The following GPATCH2L variants were observed in gnomAD, a reference collection of about 807,000 sequenced individuals.
The protein encoded by GPATCH2L is G patch domain-containing protein 2-like.
GPATCH2L carries 31 observed loss-of-function variants against 57.4 expected under a neutral mutation model. The observed-to-expected ratio is 0.54, with a 90% confidence interval of 0.41 to 0.73. The LOEUF is 0.73. GPATCH2L is among the 30% of genes least tolerant of loss of function. The pLI is 0.00. For synonymous variants in GPATCH2L, 199 were observed against 210.7 expected, an observed-to-expected ratio of 0.94 and a Z score of 0.48; for missense variants, 481 against 599.9, an observed-to-expected ratio of 0.80 and a Z score of 2.07.
intron 2 of GPATCH2L, among the ~76,000 whole-genome samples, chr14:76,158,149 A>G (rs2038398486): frequency 6.6e-6 from 1 of 151,848 alleles, no homozygotes; most frequent in African/African-American, 2.4e-5. Flanking sequence ...TCATAAGTGA[A>G]TTGGTTGGGT....
chr14:76,215,822 C>T (rs1483151108), downstream of GPATCH2L, among the ~76,000 whole-genome samples: 5 of 150,038 alleles, frequency 3.3e-5, no homozygotes, highest in East Asian at 5.9e-4. Context: ...TGCTAGATGA[C>T]GAGTTAGTGG....
intron 2 of GPATCH2L, 107 bp downstream of exon 2, chr14:76,155,132 A>G: frequency 2.4e-6 from 2 of 846,512 alleles, no homozygotes; most frequent in Non-Finnish European, 3.6e-6. Context: ...CCACTCTAGT[A>G]TTGACTTTGA....
At chr14:76,155,693 T>C (rs8008819) in intron 2 of GPATCH2L, among the ~76,000 whole-genome samples, 24,769 of 152,168 alleles carry the variant, frequency 0.16, 2,110 homozygotes, top group Middle Eastern at 0.33. Flanking sequence ...GGTGACTTTT[T>C]ATTTTTTACA....
At chr14:76,180,631 C>A in intron 7 of GPATCH2L, 133 bp from the exon 8 acceptor site, 1 of 674,952 alleles carries the variant, frequency 1.5e-6, no homozygotes, top group Non-Finnish European at 2.7e-6. Flanking sequence ...TGTGACTTTA[C>A]TGAACAGTGC....
At chr14:76,196,065 T>C in intron 9 of GPATCH2L, 93 bp downstream of exon 9, 1 of 946,244 alleles carries the variant, frequency 1.1e-6, no homozygotes, top group South Asian at 1.3e-5. Flanking sequence ...ATGTTTGTGA[T>C]AGTGTAGGTC....
chr14:76,215,086 G>C (rs1217833097), downstream of GPATCH2L, among the ~76,000 whole-genome samples: 3 of 151,646 alleles, frequency 2.0e-5, no homozygotes, highest in African/African-American at 7.3e-5. Context: ...TAAACACCCA[G>C]AATAATAATA....
chr14:76,199,206 A>G (rs2040243551), intron 9 of GPATCH2L, among the ~76,000 whole-genome samples: 1 of 152,190 alleles, frequency 6.6e-6, no homozygotes, highest in Non-Finnish European at 1.5e-5. Context: ...TAAAAAGTTA[A>G]AATCTTTAAA....
chr14:76,166,161 A>G (rs925660079), intron 2 of GPATCH2L, among the ~76,000 whole-genome samples: 6 of 152,154 alleles, frequency 3.9e-5, no homozygotes, highest in African/African-American at 1.2e-4. Context: ...GCTCGATATG[A>G]AGGAGGACAG....
rs866535870 is a variant in GPATCH2L, at chr14:76,211,207, A to G, written c.*9356A>G. Reference sequence around the variant, plus strand: ...AGCTTACAGAGGAACAAAGAGAGAAAGGCAAGAGCCAGGAAGTGAAGGGTC... The same window carrying G: ...AGCTTACAGAGGAACAAAGAGAGAAGGGCAAGAGCCAGGAAGTGAAGGGTC... On this transcript the variant is annotated 3_prime_UTR_variant, in exon 10 of 10. Coordinates refer to ENST00000261530, the MANE Select transcript of GPATCH2L (RefSeq NM_017926.4). 15 of 152,268 alleles carry G rather than the reference A, an allele frequency of 9.9e-5. No homozygotes were observed. Among genetic ancestry groups the G allele is most frequent in the African/African-American group, 3.1e-4 (13 of 41,456 alleles). The allele number at this position is 152,268 out of a possible 1,614,324, so 9.4% of individuals were successfully genotyped here.
intron 9 of GPATCH2L, among the ~76,000 whole-genome samples, chr14:76,197,451 C>T (rs927235841): frequency 5.3e-5 from 8 of 152,126 alleles, no homozygotes; most frequent in African/African-American, 1.9e-4. Flanking sequence ...GGGTATTAAA[C>T]AAGACTTGAG....
chr14:76,161,240 A>G (rs1002512401), intron 2 of GPATCH2L, among the ~76,000 whole-genome samples: 2 of 152,200 alleles, frequency 1.3e-5, no homozygotes, highest in East Asian at 1.9e-4. Context: ...GTTTTTCTAA[A>G]TTCTGAAACA....
At chr14:76,228,012 T>C (rs2040543297) in intron 1 of GPATCH2L, among the ~76,000 whole-genome samples, 1 of 152,206 alleles carries the variant, frequency 6.6e-6, no homozygotes, top group South Asian at 2.1e-4. Flanking sequence ...GAAATAGCAG[T>C]GGACAACCTG....
intron 3 of GPATCH2L, among the ~76,000 whole-genome samples, chr14:76,171,275 AT>A (rs2039068993): frequency 6.9e-6 from 1 of 145,330 alleles, no homozygotes; most frequent in African/African-American, 2.6e-5. Flanking sequence ...TCTACAGAGA[AT>A]TAAAAAAAAA....
Position 76,176,439 on chromosome 14 carries a change from T to G in GPATCH2L, c.985-184T>G, listed in dbSNP as rs2039331642. ...GGAGAATAATAAATGTAGGGTAACA[T>G]GTAATACTTTTAAGATGGATTCCAA... On this transcript the variant is annotated intron_variant, in intron 5 of 9. Coordinates refer to ENST00000261530, the MANE Select transcript of GPATCH2L (RefSeq NM_017926.4). The G allele has an allele frequency of 6.6e-6, 4 of 602,808 alleles. No individual in the cohort carries two copies. In the South Asian group the frequency reaches 8.1e-5, roughly 12 times the overall value. 37.3% of individuals were successfully genotyped at this position (602,808 alleles called of 1,614,324 possible).
intron 8 of GPATCH2L, among the ~76,000 whole-genome samples, chr14:76,183,351 G>A (rs113959515): frequency 2.0e-5 from 3 of 152,316 alleles, no homozygotes; most frequent in African/African-American, 4.8e-5. Flanking sequence ...ATCATGCATC[G>A]TCTTTGTCCT....
At chr14:76,156,685 A>G (rs1356385703) in intron 2 of GPATCH2L, among the ~76,000 whole-genome samples, 1 of 152,206 alleles carries the variant, frequency 6.6e-6, no homozygotes, top group Non-Finnish European at 1.5e-5. Flanking sequence ...TAGTATTGAG[A>G]ATGGTGATTT....
chr14:76,170,731 GC>G (rs1470023512), intron 3 of GPATCH2L: 1 of 152,148 alleles, frequency 6.6e-6, no homozygotes, highest in Non-Finnish European at 1.5e-5. Flanking sequence ...CTCAGGTATA[GC>G]TAGCTTTGAA....
chr14:76,217,844 A>G (rs2040496493), downstream of GPATCH2L, among the ~76,000 whole-genome samples: 1 of 152,210 alleles, frequency 6.6e-6, no homozygotes, highest in African/African-American at 2.4e-5. Context: ...TTTCACAGCA[A>G]CCTAATGAGT....
At chr14:76,200,704 C>T (rs547682456) in intron 9 of GPATCH2L, among the ~76,000 whole-genome samples, 7 of 152,098 alleles carry the variant, frequency 4.6e-5, no homozygotes, top group African/African-American at 9.6e-5. Flanking sequence ...GGGTACATGC[C>T]GATACTTTCT....
Sources: gnomAD v4.1 joint callset for allele counts (sites outside exome capture counted in the v4.1 genomes callset) on GRCh38, gnomAD v4.1.1 for gene constraint, MANE v1.5 for transcripts, NCBI Gene and HGNC (gene_info 2026-07-23, HGNC 2026-07-21) for gene names.